The following IMPG2 variants were observed in gnomAD, a reference collection of about 807,000 sequenced individuals.
The protein encoded by IMPG2 is IPM 200.
In IMPG2, 91 loss-of-function variants were observed where a neutral mutation model predicts 129.2. The ratio of observed to expected loss-of-function variants is 0.70; its 90% CI spans 0.59 to 0.84. IMPG2 has a LOEUF of 0.84. IMPG2 is among the 40% of genes least tolerant of loss of function. IMPG2 has a pLI of 0.00. For missense variants in IMPG2, 1,430 were observed against 1,461.7 expected (o/e 0.98, Z 0.35); for synonymous variants, 510 against 517.7 (o/e 0.99, Z 0.20).
intron 3 of IMPG2, among the ~76,000 whole-genome samples, chr3:101,292,877 C>T (rs2107127902): frequency 6.6e-6 from 1 of 152,296 alleles, no homozygotes; most frequent in Non-Finnish European, 1.5e-5. Context: ...GAAGGAACAA[C>T]TTTCTTTGCT....
chr3:101,234,543 T>A (rs552370814), intron 14 of IMPG2, among the ~76,000 whole-genome samples: 1 of 152,310 alleles, frequency 6.6e-6, no homozygotes, highest in South Asian at 2.1e-4. Context: ...GATGCTCACA[T>A]AACAGGAAAA....
At position 101,276,722 on chromosome 3, in the gene IMPG2, A is replaced by C. The variant is rs1003988438; in HGVS notation, c.534-9T>G. 3.1e-6 allele frequency: 5 copies of C among 1,606,246 alleles called. No individual in the cohort carries two copies. The highest frequency in any genetic ancestry group is 4.3e-6 in the Non-Finnish European group (5 of 1,173,424). ...GAGAAGACAGTTCAGAGCTAGAAAA[A>C]AAAATGTTTGCAGTTAATAAAATGA... On this transcript the variant is annotated splice_polypyrimidine_tract_variant and intron_variant, in intron 4 of 18. Transcript: ENST00000193391.
Position 101,226,864 on chromosome 3 carries a change from T to G in IMPG2, c.*105A>C. The G allele has an allele frequency of 8.2e-7, 1 of 1,224,744 alleles. No individual in the cohort carries two copies. The highest frequency in any genetic ancestry group is 1.2e-6 in the Non-Finnish European group (1 of 844,384). The allele number at this position is 1,224,744 out of a possible 1,614,324, so 75.9% of individuals were successfully genotyped here. The stretch of plus-strand genomic sequence containing the variant: ...TATATTTAATTTTTTCATAGAAAAC[T>G]CTTCTTCCAACAGTGTTTAAAATCC... On this transcript the variant is annotated 3_prime_UTR_variant, in exon 19 of 19. Transcript: ENST00000193391.
chr3:101,308,705 G>C lies in IMPG2; in HGVS notation c.335-4393C>G, dbSNP rs143876080. Among the ~76,000 whole-genome samples, 288 of 152,298 alleles carry C rather than the reference G, an allele frequency of 1.9e-3. 1 individual carries two copies. The highest frequency in any genetic ancestry group is 3.3e-3 in the Non-Finnish European group (224 of 68,022). On this transcript the variant is annotated intron_variant, in intron 2 of 18. Coordinates refer to ENST00000193391, the MANE Select transcript of IMPG2 (RefSeq NM_016247.4). ...CCATTGTCTTGGTGATTAACATTTG[G>C]CTTATTACTACTTATGCAAATTTCT...
intron 12 of IMPG2, among the ~76,000 whole-genome samples, chr3:101,245,171 G>A (rs1199347076): frequency 6.6e-6 from 1 of 151,968 alleles, no homozygotes; most frequent in African/African-American, 2.4e-5. Flanking sequence ...CATTTTGCCT[G>A]TTATGTTTAT....
In IMPG2 at chr3:101,243,521, A is replaced by G. The variant is rs886057687; in HGVS notation, c.2802+8T>C. The G allele has an allele frequency of 6.2e-7, 1 of 1,612,854 alleles. No individual in the cohort carries two copies. The highest frequency in any genetic ancestry group is 2.2e-5 in the East Asian group (1 of 44,860). ...CACTAGTGCCCATGTTTCACTTTTT[A>G]TGCTTACCAATTCTAAGAATCTTTG... On this transcript the variant is annotated splice_region_variant and intron_variant, in intron 13 of 18. Coordinates refer to ENST00000193391, the MANE Select transcript of IMPG2 (RefSeq NM_016247.4).
intron 11 of IMPG2, among the ~76,000 whole-genome samples, chr3:101,248,236 T>A (rs1324540414): frequency 1.3e-5 from 2 of 152,106 alleles, no homozygotes; most frequent in Non-Finnish European, 2.9e-5. Context: ...CCGTTGCTGT[T>A]CTCGTGATAG....
At chr3:101,240,451 T>C (rs562229228) in intron 14 of IMPG2, among the ~76,000 whole-genome samples, 1 of 152,262 alleles carries the variant, frequency 6.6e-6, no homozygotes, top group South Asian at 2.1e-4. Flanking sequence ...TAGATTGACC[T>C]TCGCAAAAGT....
intron 2 of IMPG2, among the ~76,000 whole-genome samples, chr3:101,309,640 G>A (rs948537043): frequency 4.6e-5 from 7 of 152,084 alleles, no homozygotes; most frequent in Non-Finnish European, 1.0e-4. Context: ...GACATATGGG[G>A]ATTATAACTC....
At chr3:101,249,766 A>G (rs1706523479) in intron 11 of IMPG2, among the ~76,000 whole-genome samples, 1 of 151,072 alleles carries the variant, frequency 6.6e-6, no homozygotes, top group Non-Finnish European at 1.5e-5. Flanking sequence ...GACCCTGAGG[A>G]TAATATGACA....
chr3:101,252,653 T>A (rs756514415), intron 11 of IMPG2, among the ~76,000 whole-genome samples: 32 of 152,214 alleles, frequency 2.1e-4, no homozygotes, highest in Admixed American at 1.3e-4. Context: ...ATGAATGTAC[T>A]CTCTGTAAAT....
At chr3:101,281,246 T>G (rs922470752) in intron 4 of IMPG2, among the ~76,000 whole-genome samples, 1 of 152,200 alleles carries the variant, frequency 6.6e-6, no homozygotes, top group African/African-American at 2.4e-5. Flanking sequence ...TAAGTGGACA[T>G]TCTTTCAAGA....
At chr3:101,313,790 T>C (rs186745526) in intron 2 of IMPG2, among the ~76,000 whole-genome samples, 30 of 152,210 alleles carry the variant, frequency 2.0e-4, no homozygotes, top group African/African-American at 6.3e-4. Context: ...AATTGTTAAG[T>C]AGTATAACCA....
At chr3:101,267,072 C>G (rs1706728185) in intron 9 of IMPG2, among the ~76,000 whole-genome samples, 1 of 151,862 alleles carries the variant, frequency 6.6e-6, no homozygotes, top group South Asian at 2.1e-4. Flanking sequence ...TGAAATAAGC[C>G]AGGAACATAA....
rs1208806540 is a variant in IMPG2, at chr3:101,272,961, C to T, written c.828+620G>A. Among the ~76,000 whole-genome samples the T allele has an allele frequency of 4.6e-5, 7 of 152,140 alleles. 1 individual carries two copies. In the South Asian group the frequency reaches 1.4e-3, roughly 31 times the overall value. The stretch of plus-strand genomic sequence containing the variant: ...AAAGCAAAGGCAAACTAGACGGGGA[C>T]TATGGGTCATTTTTGACTGAAAAAT... On this transcript the variant is annotated intron_variant, in intron 7 of 18. Transcript: ENST00000193391.
chr3:101,316,237 C>T (rs1315448199), intron 2 of IMPG2, among the ~76,000 whole-genome samples: 4 of 151,874 alleles, frequency 2.6e-5, no homozygotes, highest in Admixed American at 2.6e-4. Flanking sequence ...AGGATGCTCC[C>T]CCAAAAAGCC....
At position 101,243,755 on chromosome 3, in the gene IMPG2, T is replaced by C; in HGVS notation, c.2576A>G (p.Asn859Ser). 6.2e-7 allele frequency: 1 copy of C among 1,613,792 alleles called. No individual in the cohort carries two copies. The highest frequency in any genetic ancestry group is 1.3e-5 in the African/African-American group (1 of 75,044). The change falls in exon 13 of 19, where the codon AAT becomes AGT. Residue 859 changes from asparagine (N) to serine (S), a missense_variant. Coordinates refer to ENST00000193391, the MANE Select transcript of IMPG2 (RefSeq NM_016247.4). ...TTCCACATAACTACCAACCTTGCCA[T>C]TTTGCTCTTGGACTTGCTCAGGCTG... The part of the protein sequence containing the change: ...YYQPEQVQEQ[N>S]GKVGSYVEMS...
chr3:101,246,342 G>A (rs1176091018), intron 11 of IMPG2, among the ~76,000 whole-genome samples: 3 of 152,084 alleles, frequency 2.0e-5, no homozygotes, highest in Non-Finnish European at 2.9e-5. Flanking sequence ...GACAGATGAG[G>A]TAACATATTT....
At chr3:101,271,476 G>A (rs1226295364) in intron 7 of IMPG2, among the ~76,000 whole-genome samples, 1 of 152,126 alleles carries the variant, frequency 6.6e-6, no homozygotes, top group East Asian at 1.9e-4. Context: ...AATATATCTG[G>A]TGCTTTGCTT....
Sources: gnomAD v4.1 joint callset for allele counts (sites outside exome capture counted in the v4.1 genomes callset) on GRCh38, gnomAD v4.1.1 for gene constraint, MANE v1.5 for transcripts, NCBI Gene and HGNC (gene_info 2026-07-23, HGNC 2026-07-21) for gene names.